Variants in LRRIQ1 observed in about 807,000 individuals in gnomAD.
LRRIQ1 encodes leucine rich repeats and IQ motif containing 1, also known as leucine-rich repeat- and IQ domain-containing protein 1.
LRRIQ1 carries 210 observed loss-of-function variants against 211.9 expected under a neutral mutation model. The ratio of observed to expected loss-of-function variants is 0.99; its 90% CI spans 0.89 to 1.11. LRRIQ1 has a LOEUF of 1.11. Among genes scored for constraint, LRRIQ1 ranks in the 50% most tolerant of loss-of-function variants. The probability of loss-of-function intolerance (pLI) is 0.00; values close to 1 mark genes in which losing one functional copy is unlikely to be tolerated. For synonymous variants in LRRIQ1, 699 were observed against 650.1 expected (o/e 1.08, Z -1.14); for missense variants, 2,136 against 1,939.5 (o/e 1.10, Z -1.90).
chr12:85,197,715 T>TA (rs981006407), intron 24 of LRRIQ1, among the ~76,000 whole-genome samples: 1 of 151,340 alleles, frequency 6.6e-6, no homozygotes, highest in African/African-American at 2.4e-5. Context: ...CATCGGGAGA[T>TA]ATACCTAATG....
At chr12:85,195,723 G>T (rs924702623) in intron 24 of LRRIQ1, among the ~76,000 whole-genome samples, 15 of 151,890 alleles carry the variant, frequency 9.9e-5, no homozygotes, top group Middle Eastern at 3.4e-3. Flanking sequence ...AATATCATAC[G>T]GAATGGGCAA....
chr12:85,191,911 A>G (rs1432670576), intron 24 of LRRIQ1, among the ~76,000 whole-genome samples: 1 of 151,848 alleles, frequency 6.6e-6, no homozygotes, highest in Non-Finnish European at 1.5e-5. Flanking sequence ...CTATCACTGT[A>G]TCTTCCTTGG....
intron 19 of LRRIQ1, among the ~76,000 whole-genome samples, chr12:85,144,480 A>G (rs1889755760): frequency 2.6e-5 from 4 of 151,678 alleles, no homozygotes. Context: ...TGTGTAAGGT[A>G]TAACACTTTA....
At chr12:85,076,630 C>G (rs1450190065) in intron 11 of LRRIQ1, 1 of 662,526 alleles carries the variant, frequency 1.5e-6, no homozygotes, top group Non-Finnish European at 1.9e-6. Context: ...TTAACATTTT[C>G]ACATAGGCTT....
intron 19 of LRRIQ1, among the ~76,000 whole-genome samples, chr12:85,144,893 C>G (rs1209964580): frequency 6.6e-6 from 1 of 151,630 alleles, no homozygotes; most frequent in Non-Finnish European, 1.5e-5. Context: ...TTAAAATCAT[C>G]TTAAAACTTC....
At position 85,127,967 on chromosome 12, in the gene LRRIQ1, G is replaced by C; in HGVS notation, c.4143G>C (p.Lys1381Asn). Reference sequence around the variant, plus strand: ...CCATCAAGAATCAGACTATTTTAAAGAAAGGAAAAAGAGAAAATATTGTGA... The same window carrying C: ...CCATCAAGAATCAGACTATTTTAAACAAAGGAAAAAGAGAAAATATTGTGA... ...NSSIKNQTIL[K>N]KGKRENIVNI... The change falls in exon 18 of 27, where the codon AAG becomes AAC. Residue 1381 changes from lysine (K) to asparagine (N), a missense_variant. Coordinates refer to ENST00000393217, the MANE Select transcript of LRRIQ1 (RefSeq NM_001079910.2). 1 of 1,613,718 alleles carries C rather than the reference G, an allele frequency of 6.2e-7. No individual in the cohort carries two copies. Among genetic ancestry groups the C allele is most frequent in the Non-Finnish European group, 8.5e-7 (1 of 1,179,740 alleles).
intron 19 of LRRIQ1, among the ~76,000 whole-genome samples, chr12:85,150,458 G>A (rs994858829): frequency 1.5e-4 from 23 of 151,704 alleles, no homozygotes; most frequent in African/African-American, 5.3e-4. Flanking sequence ...AGATTTATTT[G>A]TCATTCATGA....
chr12:85,113,033 A>G (rs895327317), intron 15 of LRRIQ1, among the ~76,000 whole-genome samples: 1 of 152,142 alleles, frequency 6.6e-6, no homozygotes, highest in African/African-American at 2.4e-5. Flanking sequence ...CTAATATTAT[A>G]CTTTAGTCCT....
intron 24 of LRRIQ1, among the ~76,000 whole-genome samples, chr12:85,188,138 C>G (rs1892319555): frequency 6.7e-6 from 1 of 148,548 alleles, no homozygotes; most frequent in African/African-American, 2.6e-5. Context: ...ACATAGTAAG[C>G]ACTCAGTAAA....
At position 85,039,221 on chromosome 12, in the gene LRRIQ1, G is replaced by A. The variant is rs1269324967; in HGVS notation, c.132+913G>A. Reference sequence around the variant, plus strand: ...TATTATACCTTTTTATATAAAGGAAGAAGAAAATTTTAAAGCCCTTCTGTT... The same window carrying A: ...TATTATACCTTTTTATATAAAGGAAAAAGAAAATTTTAAAGCCCTTCTGTT... On this transcript the variant is annotated intron_variant, in intron 2 of 26. Transcript: ENST00000393217. Among the ~76,000 whole-genome samples the A allele has an allele frequency of 3.3e-5, 5 of 151,292 alleles. No homozygotes were observed. In the East Asian group the frequency reaches 9.7e-4, roughly 29 times the overall value.
chr12:85,054,822 A>G (rs1592706918), intron 7 of LRRIQ1, among the ~76,000 whole-genome samples: 1 of 152,040 alleles, frequency 6.6e-6, no homozygotes, highest in Admixed American at 6.6e-5. Flanking sequence ...TGATTTTCTC[A>G]GAAATTGGTT....
rs1891447561 is a variant in LRRIQ1, at chr12:85,172,087, G to T, written c.4822+11373G>T. 1.3e-5 allele frequency among the ~76,000 whole-genome samples: 2 copies of T among 152,112 alleles called. 1 individual carries two copies. Among genetic ancestry groups the T allele is most frequent in the South Asian group, 4.1e-4 (2 of 4,834 alleles). ...ACGCATACCACCCAACTCCCCAATT[G>T]CTGCTTTCCTGGACAGCTACAAGGA... On this transcript the variant is annotated intron_variant, in intron 24 of 26. Transcript: ENST00000393217.
chr12:85,198,698 G>A lies in LRRIQ1; in HGVS notation c.4823-30819G>A, dbSNP rs575809746. Among the ~76,000 whole-genome samples the A allele has an allele frequency of 1.4e-4, 22 of 151,966 alleles. No individual in the cohort carries two copies. The East Asian group carries it at 2.7e-3, about 19-fold the overall frequency. ...TTCTCCTGCCTCAGCTTCCCAAGTA[G>A]CTGGGACTACAGGCGCCTGCCTCCA... On this transcript the variant is annotated intron_variant, in intron 24 of 26. Transcript: ENST00000393217.
At chr12:85,072,647 T>C (rs540090094) in intron 10 of LRRIQ1, among the ~76,000 whole-genome samples, 23 of 152,096 alleles carry the variant, frequency 1.5e-4, no homozygotes, top group African/African-American at 5.3e-4. Flanking sequence ...ACTATTATGT[T>C]TTTTTCATTC....
rs368383955 is a variant in LRRIQ1 at position 85,122,693 on chromosome 12, T to G, written c.3557+817T>G. ...CCTATGTAAAAGTTCGTTTTCTGTGTAAATATTTTTGAACATAGTCTATTT... is the reference window on the plus strand; with the variant it reads ...CCTATGTAAAAGTTCGTTTTCTGTGGAAATATTTTTGAACATAGTCTATTT... On this transcript the variant is annotated intron_variant, in intron 16 of 26. Coordinates refer to ENST00000393217, the MANE Select transcript of LRRIQ1 (RefSeq NM_001079910.2). Among the ~76,000 whole-genome samples the G allele has an allele frequency of 7.9e-5, 12 of 152,234 alleles. No homozygotes were observed. The South Asian group carries it at 1.9e-3, about 24-fold the overall frequency.
chr12:85,126,670 C>A (rs1888388614), intron 17 of LRRIQ1, among the ~76,000 whole-genome samples: 1 of 152,062 alleles, frequency 6.6e-6, no homozygotes, highest in South Asian at 2.1e-4. Flanking sequence ...CTTCAATATT[C>A]TATTCGTAGT....
In LRRIQ1 at chr12:85,124,234, A is replaced by G; in HGVS notation, c.3722A>G (p.Asp1241Gly). 6.2e-7 allele frequency: 1 copy of G among 1,614,128 alleles called. No individual in the cohort carries two copies. The highest frequency in any genetic ancestry group is 8.5e-7 in the Non-Finnish European group (1 of 1,180,012). Residue 1241 changes from aspartate (D) to glycine (G), a missense_variant, in exon 17 of 27, where the codon GAC (aspartate) becomes GGC (glycine). Physicochemically the swap from Asp to Gly is moderately conservative, Grantham distance 94 (BLOSUM62 -1). Coordinates refer to ENST00000393217, the MANE Select transcript of LRRIQ1 (RefSeq NM_001079910.2). ...AATCATTTGGCCCCTACAAACAGTGACAGCACTCTGCAAAATGGAGTCTTC... is the reference window on the plus strand; with the variant it reads ...AATCATTTGGCCCCTACAAACAGTGGCAGCACTCTGCAAAATGGAGTCTTC... ...QKNHLAPTNS[D>G]STLQNGVFYS... is the part of the protein sequence containing the mutation.
intron 26 of LRRIQ1, among the ~76,000 whole-genome samples, chr12:85,241,414 A>T (rs781581997): frequency 6.6e-6 from 1 of 152,040 alleles, no homozygotes; most frequent in African/African-American, 2.4e-5. Context: ...TGCATAATTC[A>T]TTTTCTTTAC....
At chr12:85,119,901 A>G (rs900638227) in intron 15 of LRRIQ1, among the ~76,000 whole-genome samples, 1 of 152,130 alleles carries the variant, frequency 6.6e-6, no homozygotes, top group Non-Finnish European at 1.5e-5. Flanking sequence ...GTTCTTTGAT[A>G]TATTGGATAA....
Sources: allele counts gnomAD v4.1 joint callset (sites outside exome capture counted in the v4.1 genomes callset), GRCh38; gene constraint gnomAD v4.1.1; transcripts MANE v1.5; gene names NCBI Gene and HGNC (gene_info 2026-07-23, HGNC 2026-07-21).